Variants in NOTCH1 observed in about 807,000 individuals in gnomAD.
The protein encoded by NOTCH1 is neurogenic locus notch homolog protein 1.
A neutral mutation model predicts 254.8 loss-of-function variants in NOTCH1; 37 were observed. The ratio of observed to expected loss-of-function variants is 0.15; its 90% confidence interval spans 0.11 to 0.19. The LOEUF (loss-of-function observed/expected upper bound fraction) is 0.19. Ranked by LOEUF, NOTCH1 falls within the 10% of genes least tolerant of loss-of-function variation. The pLI is 1.00. For missense variants in NOTCH1, 2,972 were observed against 3,708.6 expected (o/e 0.80, Z 5.16); for synonymous variants, 1,731 against 1,618.1 (o/e 1.07, Z -1.68).
chr9:136,533,867 C>T (rs980893152), intron 2 of NOTCH1, among the ~76,000 whole-genome samples: 6 of 152,256 alleles, frequency 3.9e-5, no homozygotes, highest in South Asian at 2.1e-4. Flanking sequence ...AAGTGAGGGA[C>T]GCGCCAGTTT....
At chr9:136,544,234 C>T in intron 1 of NOTCH1, 132 bp from the exon 2 acceptor site, 1 of 837,630 alleles carries the variant, frequency 1.2e-6, no homozygotes, top group Admixed American at 2.0e-5. Context: ...ACGCACTCTG[C>T]TCAGTATCAT....
At position 136,518,189 on chromosome 9, in the gene NOTCH1, G is replaced by C; in HGVS notation, c.1203C>G (p.Pro401=). 1 of 1,604,114 alleles carries C rather than the reference G, an allele frequency of 6.2e-7. No individual in the cohort carries two copies. Among genetic ancestry groups the C allele is most frequent in the South Asian group, 1.1e-5 (1 of 89,574 alleles). Residue 401 remains proline (P), a synonymous_variant, in exon 7 of 34, where the codon CCC becomes CCG. Transcript: ENST00000651671. ...PVNGKAICTC[P]SGYTGPACSQ... is the part of the protein sequence containing the mutation. ...TGCAGGCCGGGCCCGTGTACCCCGA[G>C]GGGCAGGTGCAGATGGCCTTGCCAT...
chr9:136,508,532 A>G, intron 19 of NOTCH1, 147 bp from the exon 20 acceptor site: 1 of 1,163,878 alleles, frequency 8.6e-7, no homozygotes, highest in African/African-American at 1.5e-5. Context: ...ACTCCCCACC[A>G]CCCCCACACC....
chr9:136,518,824 C>G lies in NOTCH1; in HGVS notation c.866G>C (p.Gly289Ala), dbSNP rs2133371706. 1.2e-6 allele frequency: 2 copies of G among 1,612,576 alleles called. No homozygotes were observed. Among genetic ancestry groups the G allele is most frequent in the Non-Finnish European group, 1.7e-6 (2 of 1,179,778 alleles). The change falls in exon 6 of 34, where the codon GGT (glycine) becomes GCT (alanine). Residue 289 changes from glycine to alanine, a missense_variant and splice_region_variant. By Grantham distance (60) the Gly-to-Ala change is moderately conservative (BLOSUM62 0). Transcript: ENST00000651671. The part of the protein sequence containing the change: ...YNCRCPPEWT[G>A]QYCTEDVDEC... ...GTCCACATCCTCGGTACAGTACTGA[C>G]CTGCAGGGAACAGGAGCTGTCGGCC...
intron 4 of NOTCH1, among the ~76,000 whole-genome samples, chr9:136,520,782 C>T (rs1359483554): frequency 5.3e-5 from 8 of 151,980 alleles, no homozygotes; most frequent in African/African-American, 1.7e-4. Flanking sequence ...CGGTCCCACT[C>T]ATGTGTGGGG....
At chr9:136,526,375 G>A (rs1843460161) in intron 2 of NOTCH1, among the ~76,000 whole-genome samples, 1 of 152,206 alleles carries the variant, frequency 6.6e-6, no homozygotes, top group Non-Finnish European at 1.5e-5. Context: ...GTCGGCAGGG[G>A]GTGGGTACAG....
At chr9:136,535,510 GA>G (rs1554732179) in intron 2 of NOTCH1, among the ~76,000 whole-genome samples, 1 of 54,108 alleles carries the variant, frequency 1.8e-5, no homozygotes, top group Non-Finnish European at 3.3e-5. Context: ...TGCAGGGTGG[GA>G]GTGGGTGGAG....
At chr9:136,521,848 G>C (rs1843370705) in intron 4 of NOTCH1, among the ~76,000 whole-genome samples, 1 of 152,170 alleles carries the variant, frequency 6.6e-6, no homozygotes, top group Non-Finnish European at 1.5e-5. Context: ...GGCAGCCCTT[G>C]GGCCACCCGT....
chr9:136,510,932 T>C, intron 16 of NOTCH1, 127 bp from the exon 17 acceptor site: 1 of 1,402,866 alleles, frequency 7.1e-7, no homozygotes, highest in Middle Eastern at 2.4e-4. Context: ...CCCAGGACCA[T>C]CCCCTCTCCC....
intron 15 of NOTCH1, among the ~76,000 whole-genome samples, chr9:136,512,318 C>G (rs1309811231): frequency 2.6e-5 from 4 of 152,192 alleles, no homozygotes; most frequent in Non-Finnish European, 5.9e-5. Context: ...TCCAGCCCGG[C>G]TGCCTGGCCC....
rs1564194059 is a variant in NOTCH1 at position 136,509,751 on chromosome 9, GTGT to G, written c.2948_2950del (p.Asn983del). ...CGCACACCTCTCTGTGCAGTCAGGC[GTGT>G]TGTTCTCACAGTGGATCCCGCTGAA... is the stretch of plus-strand genomic sequence containing the variant. On this transcript the variant is annotated inframe_deletion, in exon 18 of 34. Coordinates refer to ENST00000651671, the MANE Select transcript of NOTCH1 (RefSeq NM_017617.5). 6.2e-7 allele frequency: 1 copy of G among 1,612,958 alleles called. No individual in the cohort carries two copies. The highest frequency in any genetic ancestry group is 8.5e-7 in the Non-Finnish European group (1 of 1,179,960).
rs763733336 is a variant in NOTCH1, at chr9:136,523,019, G to A, written c.573C>T (p.His191=). 2.9e-5 allele frequency: 45 copies of A among 1,550,566 alleles called. No individual in the cohort carries two copies. Among genetic ancestry groups the A allele is most frequent in the Admixed American group, 3.9e-5 (2 of 51,094 alleles). ...ECGQKPGLCR[H]GGTCHNEVGS... is the part of the protein sequence containing the mutation. The stretch of plus-strand genomic sequence containing the variant: ...CGACCTCGTTGTGGCAGGTGCCTCC[G>A]TGGCGGCAAAGCCCGGGCTTCTGGC... The change falls in exon 4 of 34, where the codon CAC becomes CAT. Residue 191 remains histidine, a synonymous_variant. Transcript: ENST00000651671.
intron 2 of NOTCH1, among the ~76,000 whole-genome samples, chr9:136,542,325 G>A (rs550912809): frequency 1.3e-5 from 2 of 152,296 alleles, no homozygotes; most frequent in East Asian, 1.9e-4. Context: ...GAATGGGTGA[G>A]AGGCAAAGTC....
At chr9:136,531,244 C>T (rs117705975) in intron 2 of NOTCH1, among the ~76,000 whole-genome samples, 3,287 of 152,354 alleles carry the variant, frequency 0.022, 55 homozygotes, top group Middle Eastern at 0.085. Context: ...CCCCCACAAC[C>T]GCCCTGGGGG....
intron 19 of NOTCH1, 26 bp from the exon 20 acceptor site, chr9:136,508,411 G>A (rs1253132568): frequency 6.2e-7 from 1 of 1,612,774 alleles, no homozygotes; most frequent in South Asian, 1.1e-5. Flanking sequence ...GGTCAGCTGG[G>A]TGCCCGCGCC....
At chr9:136,544,494 GC>G (rs1046734330) in intron 1 of NOTCH1, among the ~76,000 whole-genome samples, 1 of 152,076 alleles carries the variant, frequency 6.6e-6, no homozygotes, top group Non-Finnish European at 1.5e-5. Flanking sequence ...GCAGGGCAGG[GC>G]CCCCCATCCA....
At chr9:136,524,028 G>A (rs912699605) in intron 2 of NOTCH1, 49 bp from the exon 3 acceptor site, 29 of 1,518,466 alleles carry the variant, frequency 1.9e-5, no homozygotes, top group African/African-American at 2.7e-5. Flanking sequence ...CTTCCCCAGC[G>A]CCCCCGCCAC....
intron 5 of NOTCH1, 152 bp downstream of exon 5, chr9:136,519,291 G>T: frequency 9.0e-7 from 1 of 1,116,640 alleles, no homozygotes; most frequent in Non-Finnish European, 1.3e-6. Flanking sequence ...GGGAAGTGGG[G>T]CCCCCATCAT....
In NOTCH1 at chr9:136,505,504, G is replaced by A. The variant is rs2133339409; in HGVS notation, c.4392C>T (p.Ser1464=). ...CGCACGCGTGGTTGTTGCACTGCAG[G>A]CTGCAGACCTTGTTGCCCGCGTCCT... ...CQEDAGNKVC[S]LQCNNHACGW... is the part of the protein sequence containing the mutation. Residue 1464 remains serine (S), a synonymous_variant, in exon 25 of 34, where the codon AGC becomes AGT. Transcript: ENST00000651671. The A allele has an allele frequency of 6.2e-7, 1 of 1,612,780 alleles. No homozygotes were observed.
Sources: allele counts gnomAD v4.1 joint callset (sites outside exome capture counted in the v4.1 genomes callset), GRCh38; gene constraint gnomAD v4.1.1; transcripts MANE v1.5; gene names NCBI Gene and HGNC (gene_info 2026-07-23, HGNC 2026-07-21).